The following SNAPC3 variants were observed in gnomAD, a reference collection of about 807,000 sequenced individuals.
SNAPC3 encodes snRNA-activating protein complex subunit 3.
SNAPC3 carries 56 observed loss-of-function variants against 47.7 expected under a neutral mutation model. The observed-to-expected ratio is 1.18, with a 90% confidence interval of 0.95 to 1.47. The LOEUF is 1.47. Among genes scored for constraint, SNAPC3 ranks in the 40% most tolerant of loss-of-function variants. SNAPC3 has a pLI of 0.00. For synonymous variants in SNAPC3, 235 were observed against 189.9 expected (o/e 1.24, Z -1.95); for missense variants, 665 against 511.3 (o/e 1.30, Z -2.90).
chr9:15,433,733 G>C (rs2032460078), intron 3 of SNAPC3, 97 bp downstream of exon 3: 1 of 715,274 alleles, frequency 1.4e-6, no homozygotes, highest in African/African-American at 1.8e-5. Flanking sequence ...CTTTATACTG[G>C]ATATGCTTAG....
At chr9:15,453,336 A>G (rs2034538311) in intron 7 of SNAPC3, 131 bp downstream of exon 7, 3 of 607,056 alleles carry the variant, frequency 4.9e-6, no homozygotes, top group East Asian at 2.8e-5. Flanking sequence ...TGGGAGCAGC[A>G]AAAATACTGT....
intron 3 of SNAPC3, among the ~76,000 whole-genome samples, chr9:15,435,714 AGTG>A: frequency 6.7e-6 from 1 of 148,430 alleles, no homozygotes; most frequent in Non-Finnish European, 1.5e-5. Flanking sequence ...GGGCAACAGG[AGTG>A]AAACTCTGTC....
rs1487704220 is a variant in SNAPC3 at position 15,461,117 on chromosome 9, G to A, written c.*1251G>A. 1 of 149,698 alleles carries A rather than the reference G, an allele frequency of 6.7e-6. No homozygotes were observed. Among genetic ancestry groups the A allele is most frequent in the African/African-American group, 2.5e-5 (1 of 40,616 alleles). 9.3% of individuals were successfully genotyped at this position (149,698 alleles called of 1,614,324 possible). A position where few individuals can be genotyped will look rare whatever the true frequency, so the allele number is the denominator to read the frequency against. On this transcript the variant is annotated 3_prime_UTR_variant, in exon 9 of 9. Transcript: ENST00000380821. ...TGGTCCCCTTACTATAGTAATTCTA[G>A]TTACTCTCATCTTATTCTGAGGAAA...
intron 2 of SNAPC3, among the ~76,000 whole-genome samples, chr9:15,427,917 C>G (rs1445125133): frequency 1.3e-5 from 2 of 152,012 alleles, no homozygotes; most frequent in Non-Finnish European, 1.5e-5. Flanking sequence ...TCAACAGCAG[C>G]TTGGCCAATA....
intron 3 of SNAPC3, among the ~76,000 whole-genome samples, chr9:15,439,103 G>T (rs1245943006): frequency 1.3e-5 from 2 of 152,046 alleles, no homozygotes; most frequent in African/African-American, 2.4e-5. Context: ...TCAACCTCCT[G>T]TGCTCAAGTT....
intron 8 of SNAPC3, among the ~76,000 whole-genome samples, chr9:15,459,044 T>A (rs1250888526): frequency 2.0e-5 from 3 of 152,158 alleles, no homozygotes; most frequent in African/African-American, 7.2e-5. Flanking sequence ...CTTCAGTTTG[T>A]TTTCGCCACC....
chr9:15,426,158 C>A (rs2031366385), intron 2 of SNAPC3, among the ~76,000 whole-genome samples: 1 of 152,162 alleles, frequency 6.6e-6, no homozygotes, highest in Non-Finnish European at 1.5e-5. Flanking sequence ...CTGGCCCGAC[C>A]TTGCTGATTT....
At chr9:15,423,368 C>A (rs1402009802) in intron 1 of SNAPC3, among the ~76,000 whole-genome samples, 175 bp downstream of exon 1, 1 of 152,180 alleles carries the variant, frequency 6.6e-6, no homozygotes, top group Non-Finnish European at 1.5e-5. Flanking sequence ...CAGGAGAAGT[C>A]CTGGGACCCG....
intron 4 of SNAPC3, among the ~76,000 whole-genome samples, chr9:15,446,728 G>A (rs2033959513): frequency 6.6e-6 from 1 of 152,172 alleles, no homozygotes; most frequent in Non-Finnish European, 1.5e-5. Flanking sequence ...AGGTAGGGAA[G>A]AGTAAACAGT....
chr9:15,445,339 A>C (rs62570987), intron 4 of SNAPC3, among the ~76,000 whole-genome samples: 3,424 of 152,312 alleles, frequency 0.022, 69 homozygotes, highest in Non-Finnish European at 0.029. Flanking sequence ...TTTTTGCAGA[A>C]TAGGTGGCTA....
At chr9:15,455,944 G>A (rs535766483) in intron 7 of SNAPC3, among the ~76,000 whole-genome samples, 3 of 150,812 alleles carry the variant, frequency 2.0e-5, no homozygotes, top group East Asian at 3.9e-4. Flanking sequence ...GCGTGATCTC[G>A]GCTCACCACA....
intron 5 of SNAPC3, among the ~76,000 whole-genome samples, chr9:15,449,025 G>T (rs2034158170): frequency 6.6e-6 from 1 of 152,002 alleles, no homozygotes; most frequent in East Asian, 1.9e-4. Context: ...GGCCAAGCTG[G>T]TGTCGAACTC....
chr9:15,435,280 A>G (rs987837890), intron 3 of SNAPC3, among the ~76,000 whole-genome samples: 1 of 152,338 alleles, frequency 6.6e-6, no homozygotes, highest in East Asian at 1.9e-4. Context: ...GTTGAGTTAT[A>G]AAGAGTTCTT....
Position 15,451,400 on chromosome 9 carries a change from C to T in SNAPC3, c.813C>T (p.Ser271=), listed in dbSNP as rs781253318. 3 of 1,489,876 alleles carry T rather than the reference C, an allele frequency of 2.0e-6. No individual in the cohort carries two copies. Among genetic ancestry groups the T allele is most frequent in the Non-Finnish European group, 1.8e-6 (2 of 1,087,812 alleles). 92.3% of individuals were successfully genotyped at this position (1,489,876 alleles called of 1,614,324 possible). A position where few individuals can be genotyped will look rare whatever the true frequency, so the allele number is the denominator to read the frequency against. ...GATACCCAGAATGCAGAGATTTGAG[C>T]AGGTATAGTTTCCAAAAATCTTCTC... is the stretch of plus-strand genomic sequence containing the variant. ...DKRYPECRDL[S]RTIIEWSESH... is the part of the protein sequence containing the mutation. The change falls in exon 6 of 9, where the codon AGC becomes AGT. Residue 271 remains serine (S), a splice_region_variant and synonymous_variant. Transcript: ENST00000380821.
intron 6 of SNAPC3, among the ~76,000 whole-genome samples, chr9:15,452,137 A>G (rs2034436501): frequency 1.3e-5 from 2 of 151,256 alleles, no homozygotes; most frequent in Admixed American, 1.3e-4. Flanking sequence ...TAATTTTTGT[A>G]TTTTTAGTAG....
chr9:15,425,559 ACCACAAC>A (rs1359013872), intron 2 of SNAPC3, among the ~76,000 whole-genome samples: 1 of 152,102 alleles, frequency 6.6e-6, no homozygotes, highest in Non-Finnish European at 1.5e-5. Context: ...TTTCCAGATT[ACCACAAC>A]CCATCTTTCC....
At chr9:15,441,653 C>G (rs950829509) in intron 3 of SNAPC3, among the ~76,000 whole-genome samples, 1 of 152,010 alleles carries the variant, frequency 6.6e-6, no homozygotes, top group Non-Finnish European at 1.5e-5. Flanking sequence ...TTGCACCGCC[C>G]TTAATCCATT....
chr9:15,441,439 G>T (rs370493319), intron 3 of SNAPC3, among the ~76,000 whole-genome samples: 1 of 106,644 alleles, frequency 9.4e-6, no homozygotes, highest in Non-Finnish European at 1.8e-5. Context: ...GGTGTTTCTC[G>T]AGGAGGGGGA....
chr9:15,431,960 A>G (rs1480677942), intron 2 of SNAPC3: 1 of 123,660 alleles, frequency 8.1e-6, no homozygotes, highest in Non-Finnish European at 1.7e-5. Context: ...TGCTAATCTT[A>G]AATATATTGT....
Sources: gnomAD v4.1 joint callset for allele counts (sites outside exome capture counted in the v4.1 genomes callset) on GRCh38, gnomAD v4.1.1 for gene constraint, MANE v1.5 for transcripts, NCBI Gene and HGNC (gene_info 2026-07-23, HGNC 2026-07-21) for gene names.